CHD7: variants seen among roughly 807,000 people sequenced by gnomAD.
CHD7 encodes the protein ATP-dependent chromatin remodeler CHD7.
Under a neutral mutation model 307.3 loss-of-function variants are expected in CHD7, and 24 were observed. The observed-to-expected ratio is 0.08, with a 90% CI of 0.06 to 0.11. CHD7 has a LOEUF of 0.11. CHD7 is among the 10% of genes least tolerant of loss of function. The probability of loss-of-function intolerance (pLI) is 1.00; values close to 1 mark genes in which losing one functional copy is unlikely to be tolerated. For missense variants in CHD7, 3,106 were observed against 3,727.1 expected, an observed-to-expected ratio of 0.83 and a Z score of 4.34; for synonymous variants, 1,363 against 1,349.9, an observed-to-expected ratio of 1.01 and a Z score of -0.21.
chr8:60,702,922 C>T (rs1806837188), intron 1 of CHD7, among the ~76,000 whole-genome samples: 1 of 152,192 alleles, frequency 6.6e-6, no homozygotes, highest in African/African-American at 2.4e-5. Context: ...CCACATATTC[C>T]AGCAGATTGG....
At chr8:60,778,105 A>AGGGGGGGGGGG (rs144776599) in intron 2 of CHD7, among the ~76,000 whole-genome samples, 1 of 81,636 alleles carries the variant, frequency 1.2e-5, no homozygotes, top group African/African-American at 5.6e-5. Flanking sequence ...TGGGGGGTGG[A>AGGGGGGGGGGG]GGGGGGGACA....
intron 1 of CHD7, among the ~76,000 whole-genome samples, chr8:60,693,335 C>T (rs899578199): frequency 1.6e-4 from 25 of 152,354 alleles, no homozygotes; most frequent in Non-Finnish European, 3.2e-4. Flanking sequence ...GAACAAGTCC[C>T]TGTCTGTCTG....
Position 60,836,917 on chromosome 8 carries a change from C to T in CHD7, c.4090C>T (p.Leu1364=), listed in dbSNP as rs768777708. ...TGATTCTGATAGGTTTGTTTTCCTC[C>T]TGTGTACAAGGGCAGGAGGTTTAGG... ...KPDSDRFVFL[L]CTRAGGLGIN... Residue 1364 remains leucine (L), a synonymous_variant, in exon 17 of 38, where the codon CTG becomes TTG. Coordinates refer to ENST00000423902, the MANE Select transcript of CHD7 (RefSeq NM_017780.4). 4 of 1,613,690 alleles carry T rather than the reference C, an allele frequency of 2.5e-6. No individual in the cohort carries two copies. The highest frequency in any genetic ancestry group is 1.3e-5 in the African/African-American group (1 of 74,878).
At position 60,837,670 on chromosome 8, in the gene CHD7, T is replaced by G; in HGVS notation, c.4188T>G (p.Ala1396=). ...TATTAATTTCATTTTTCTTCCAGGC[T>G]CAGGCTAGATGTCATAGAATAGGAC... ...SDWNPQNDLQ[A]QARCHRIGQS... The change falls in exon 18 of 38, where the codon GCT becomes GCG. Residue 1396 remains alanine (A), a splice_region_variant and synonymous_variant. Transcript: ENST00000423902. 1 of 1,550,710 alleles carries G rather than the reference T, an allele frequency of 6.4e-7. No homozygotes were observed. Among genetic ancestry groups the G allele is most frequent in the Non-Finnish European group, 8.7e-7 (1 of 1,145,872 alleles).
In CHD7 at chr8:60,741,241, C is replaced by G. The variant is rs1808984417; in HGVS notation, c.-174-18C>G. 1 of 578,046 alleles carries G rather than the reference C, an allele frequency of 1.7e-6. No homozygotes were observed. The highest frequency in any genetic ancestry group is 3.1e-5 in the Admixed American group (1 of 32,240). The allele number at this position is 578,046 out of a possible 1,614,324, so 35.8% of individuals were successfully genotyped here. On this transcript the variant is annotated intron_variant, in intron 1 of 37. Coordinates refer to ENST00000423902, the MANE Select transcript of CHD7 (RefSeq NM_017780.4). ...TTGTTTTCTTCCTTCTTCTCCCCCACCCCAAACTCCCTTCCAGGACCTATA... is the reference window on the plus strand; with the variant it reads ...TTGTTTTCTTCCTTCTTCTCCCCCAGCCCAAACTCCCTTCCAGGACCTATA...
At chr8:60,769,314 G>A (rs1810607328) in intron 2 of CHD7, among the ~76,000 whole-genome samples, 1 of 152,184 alleles carries the variant, frequency 6.6e-6, no homozygotes, top group African/African-American at 2.4e-5. Context: ...TGGGTTCAGG[G>A]ATATAATGGA....
At chr8:60,773,976 G>A (rs1042228789) in intron 2 of CHD7, among the ~76,000 whole-genome samples, 2 of 152,114 alleles carry the variant, frequency 1.3e-5, no homozygotes, top group Admixed American at 1.3e-4. Flanking sequence ...AAATTTTTTA[G>A]CCATCTTAAC....
intron 1 of CHD7, among the ~76,000 whole-genome samples, chr8:60,717,108 G>C (rs755694135): frequency 6.8e-6 from 1 of 147,996 alleles, no homozygotes; most frequent in Non-Finnish European, 1.5e-5. Context: ...ATCTGGGTAC[G>C]TAATGTTCAT....
intron 1 of CHD7, among the ~76,000 whole-genome samples, chr8:60,696,457 A>T (rs1400929689): frequency 2.0e-5 from 3 of 152,146 alleles, no homozygotes; most frequent in Admixed American, 1.3e-4. Context: ...TACTTAATTG[A>T]TCTAAGACGC....
chr8:60,702,642 A>C (rs924617277), intron 1 of CHD7, among the ~76,000 whole-genome samples: 1 of 152,258 alleles, frequency 6.6e-6, no homozygotes, highest in African/African-American at 2.4e-5. Flanking sequence ...TTGCTGGTGA[A>C]TAAAATGCAA....
In CHD7 at chr8:60,800,612, G is replaced by A. The variant is rs1231355021; in HGVS notation, c.2376+87G>A. 7 of 1,313,958 alleles carry A rather than the reference G, an allele frequency of 5.3e-6. No individual in the cohort carries two copies. In the East Asian group the frequency reaches 1.2e-4, roughly 22 times the overall value. The allele number at this position is 1,313,958 out of a possible 1,614,324, so 81.4% of individuals were successfully genotyped here. On this transcript the variant is annotated intron_variant, in intron 5 of 37. Coordinates refer to ENST00000423902, the MANE Select transcript of CHD7 (RefSeq NM_017780.4). ...CTGCAATCTGAGAAGTGCAGTGGAA[G>A]CATTGGACTTTCAGCAGGGGAACAT...
At chr8:60,706,515 G>A (rs1253560689) in intron 1 of CHD7, among the ~76,000 whole-genome samples, 3 of 152,082 alleles carry the variant, frequency 2.0e-5, no homozygotes, top group African/African-American at 4.8e-5. Flanking sequence ...TAGACTACTT[G>A]TTATATAATT....
chr8:60,776,995 A>C (rs1030926896), intron 2 of CHD7, among the ~76,000 whole-genome samples: 4 of 152,172 alleles, frequency 2.6e-5, no homozygotes, highest in Admixed American at 6.5e-5. Context: ...TTAGTGTTCT[A>C]AAAGCTTGTA....
chr8:60,681,106 G>A (rs1038541867), intron 1 of CHD7, among the ~76,000 whole-genome samples: 1 of 152,054 alleles, frequency 6.6e-6, no homozygotes, highest in Non-Finnish European at 1.5e-5. Flanking sequence ...AACAAAATAC[G>A]TGTCTTTATT....
chr8:60,838,128 A>G lies in CHD7; in HGVS notation c.4406A>G (p.Tyr1469Cys), dbSNP rs2150779357. The change falls in exon 19 of 38, where the codon TAT becomes TGT. Residue 1469 changes from tyrosine to cysteine, a missense_variant. Physicochemically the swap from Tyr to Cys is radical, Grantham distance 194. Around this residue, in one of 10 missense-constraint regions of CHD7, gnomAD observed 93 missense variants for 176.4 expected, o/e 0.53. Coordinates refer to ENST00000423902, the MANE Select transcript of CHD7 (RefSeq NM_017780.4). ...EIEDLLRKGA[Y>C]GALMDEEDEG... ...GAGGATCTTCTACGAAAAGGGGCCT[A>G]TGGTGCACTCATGGATGAGGAGGAT... is the stretch of plus-strand genomic sequence containing the variant. 1 of 1,558,314 alleles carries G rather than the reference A, an allele frequency of 6.4e-7. No individual in the cohort carries two copies. The highest frequency in any genetic ancestry group is 8.7e-7 in the Non-Finnish European group (1 of 1,150,468).
At chr8:60,773,072 A>T (rs760152106) in intron 2 of CHD7, among the ~76,000 whole-genome samples, 6 of 152,186 alleles carry the variant, frequency 3.9e-5, no homozygotes, top group Admixed American at 2.6e-4. Flanking sequence ...CACCAACCTC[A>T]TAGGGTTATT....
At chr8:60,862,763 A>G (rs1464570483) in intron 37 of CHD7, 111 bp downstream of exon 37, 2 of 695,606 alleles carry the variant, frequency 2.9e-6, no homozygotes, top group Admixed American at 2.4e-5. Context: ...TTAGCTTAAA[A>G]GAATTGACAT....
chr8:60,858,294 A>G (rs28534585), intron 34 of CHD7, among the ~76,000 whole-genome samples: 10,516 of 152,194 alleles, frequency 0.069, 1,038 homozygotes, highest in African/African-American at 0.22. Context: ...TTGATTACCA[A>G]TGCAGTGATC....
rs1421217238 is a variant in CHD7, at chr8:60,829,955, A to G, written c.3523-367A>G. 2.6e-5 allele frequency among the ~76,000 whole-genome samples: 4 copies of G among 152,174 alleles called. No homozygotes were observed. The South Asian group carries it at 8.3e-4, about 32-fold the overall frequency. ...ATTCTTTAGCTCTCCCTAGAAAGGA[A>G]GAGAATAGAAACAGAGCATTGCCAT... is the stretch of plus-strand genomic sequence containing the variant. On this transcript the variant is annotated intron_variant, in intron 14 of 37. Coordinates refer to ENST00000423902, the MANE Select transcript of CHD7 (RefSeq NM_017780.4).
Sources: allele counts gnomAD v4.1 joint callset (sites outside exome capture counted in the v4.1 genomes callset), GRCh38; gene constraint gnomAD v4.1.1; regional missense constraint gnomAD v4.1.1; transcripts MANE v1.5; gene names NCBI Gene and HGNC (gene_info 2026-07-23, HGNC 2026-07-21).